Variants in COBL observed in about 807,000 individuals in gnomAD.
COBL encodes the protein cordon-bleu WH2 repeat protein, also known as protein cordon-bleu.
COBL carries 51 observed loss-of-function variants against 98.8 expected under a neutral mutation model. That is an observed-to-expected ratio of 0.52 (90% CI 0.41 to 0.65). The LOEUF (loss-of-function observed/expected upper bound fraction) is 0.65, where lower values mean the gene tolerates loss of function less well. Among genes scored for constraint, COBL ranks in the 30% least tolerant of loss-of-function variants. COBL has a pLI of 0.00. For synonymous variants in COBL, 634 were observed against 651.7 expected, an observed-to-expected ratio of 0.97 and a Z score of 0.41; for missense variants, 1,617 against 1,617.5, an observed-to-expected ratio of 1.00 and a Z score of 0.01.
chr7:51,058,351 C>G (rs1790973516), intron 7 of COBL, among the ~76,000 whole-genome samples: 2 of 152,052 alleles, frequency 1.3e-5, no homozygotes, highest in Admixed American at 1.3e-4. Context: ...AATGTGAGAC[C>G]AGCCTCAGCA....
intron 2 of COBL, among the ~76,000 whole-genome samples, chr7:51,213,170 GGA>G (rs1295660595): frequency 6.6e-6 from 1 of 152,196 alleles, no homozygotes; most frequent in Non-Finnish European, 1.5e-5. Flanking sequence ...TCAAGCCCTG[GGA>G]GAGAGTCCAG....
chr7:51,065,692 G>A (rs941149594), intron 7 of COBL, among the ~76,000 whole-genome samples: 1 of 152,250 alleles, frequency 6.6e-6, no homozygotes, highest in Non-Finnish European at 1.5e-5. Context: ...GTCGTCATCA[G>A]CACACAGGCT....
At chr7:51,301,491 T>C (rs1801962857) in intron 1 of COBL, among the ~76,000 whole-genome samples, 1 of 152,182 alleles carries the variant, frequency 6.6e-6, no homozygotes, top group African/African-American at 2.4e-5. Flanking sequence ...GCCAAGCCCT[T>C]GTCTCTCAGG....
chr7:51,086,358 GAAAAAAAAA>G (rs57609497), intron 6 of COBL, among the ~76,000 whole-genome samples: 8,809 of 74,864 alleles, frequency 0.12, 371 homozygotes, highest in Middle Eastern at 0.27. Context: ...CTGTGTCTCA[GAAAAAAAAA>G]AAAAAAAAAA....
rs780311510 is a variant in COBL, at chr7:51,025,392, A to T, written c.3505-20T>A. On this transcript the variant is annotated intron_variant, in intron 11 of 12. Transcript: ENST00000265136. ...TGCCACCTGGCAATGAGATGATTAAATGACTGCTATAGAGTGAATGTCTCC... is the reference window on the plus strand; with the variant it reads ...TGCCACCTGGCAATGAGATGATTAATTGACTGCTATAGAGTGAATGTCTCC... 1 of 1,612,702 alleles carries T rather than the reference A, an allele frequency of 6.2e-7. No individual in the cohort carries two copies. The highest frequency in any genetic ancestry group is 2.2e-5 in the East Asian group (1 of 44,876).
At chr7:51,048,167 A>AAAAT (rs752092595) in intron 7 of COBL, among the ~76,000 whole-genome samples, 18 of 151,988 alleles carry the variant, frequency 1.2e-4, no homozygotes, top group South Asian at 6.2e-4. Flanking sequence ...CTCCATCTCA[A>AAAAT]AAATAAATAA....
rs1329270111 is a variant in COBL at position 51,025,226 on chromosome 7, G to C, written c.3651C>G (p.Leu1217=). 6.7e-7 allele frequency: 1 copy of C among 1,481,896 alleles called. No homozygotes were observed. Among genetic ancestry groups the C allele is most frequent in the South Asian group, 1.1e-5 (1 of 88,462 alleles). 91.8% of individuals were successfully genotyped at this position (1,481,896 alleles called of 1,614,324 possible). Residue 1217 remains leucine, a synonymous_variant, in exon 12 of 13, where the codon CTC becomes CTG. Coordinates refer to ENST00000265136, the MANE Select transcript of COBL (RefSeq NM_015198.5). The part of the protein sequence containing the change: ...PPPPPPPSQA[L]SAPRTASRFS... ...ACCTGGAGGCCGTCCTTGGTGCAGA[G>C]AGAGCCTGGGAGGGTGGAGGGGGTG...
At chr7:51,199,432 A>C (rs977817245) in intron 2 of COBL, among the ~76,000 whole-genome samples, 3 of 152,206 alleles carry the variant, frequency 2.0e-5, no homozygotes, top group South Asian at 4.1e-4. Flanking sequence ...GGTAAACATA[A>C]CACCACCAAA....
At chr7:51,238,371 C>T (rs115300266) in intron 1 of COBL, among the ~76,000 whole-genome samples, 165 of 152,300 alleles carry the variant, frequency 1.1e-3, no homozygotes, top group African/African-American at 3.8e-3. Flanking sequence ...AAGGAGACCC[C>T]TGCCCTTCCC....
Position 51,028,176 on chromosome 7 carries a change from A to G in COBL, c.2920T>C (p.Ser974Pro), listed in dbSNP as rs1401766280. ...GAAGACTGAACCAGTGAGAAACAGG[A>G]GCTTCTGTGGATAGCAGCAGGTCTG... ...QDRPAAIHRS[S>P]CFSLVQSSQR... Residue 974 changes from serine to proline, a missense_variant, in exon 10 of 13, where the codon TCC becomes CCC. By Grantham distance (74) the Ser-to-Pro change is moderately conservative (BLOSUM62 -1). Transcript: ENST00000265136. 3.7e-6 allele frequency: 6 copies of G among 1,614,108 alleles called. No individual in the cohort carries two copies. The South Asian group carries it at 6.6e-5, about 18-fold the overall frequency.
chr7:51,055,114 T>C (rs1419716945), intron 7 of COBL, among the ~76,000 whole-genome samples: 1 of 152,078 alleles, frequency 6.6e-6, no homozygotes, highest in Non-Finnish European at 1.5e-5. Context: ...CCAGCCGGAG[T>C]TCTCAGAACA....
chr7:51,049,701 G>C (rs1026189454), intron 7 of COBL, among the ~76,000 whole-genome samples: 1 of 152,170 alleles, frequency 6.6e-6, no homozygotes. Context: ...GGACAGTTGG[G>C]TCAAAAGATG....
chr7:51,190,328 C>T (rs1206970983), intron 4 of COBL, among the ~76,000 whole-genome samples: 1 of 152,132 alleles, frequency 6.6e-6, no homozygotes, highest in Non-Finnish European at 1.5e-5. Context: ...CCAGCCTCAG[C>T]CTCTCCAGTA....
rs114805087 is a variant in COBL at position 51,307,998 on chromosome 7, G to T, written c.41+8595C>A. ...TTTAGGCAGGAGCAGGAGGAAGGAAGTTTTCAGTTCCACCCAAAACCAATT... is the reference window on the plus strand; with the variant it reads ...TTTAGGCAGGAGCAGGAGGAAGGAATTTTTCAGTTCCACCCAAAACCAATT... On this transcript the variant is annotated intron_variant, in intron 1 of 12. Coordinates refer to ENST00000265136, the MANE Select transcript of COBL (RefSeq NM_015198.5). Among the ~76,000 whole-genome samples the T allele has an allele frequency of 8.1e-3, 1,235 of 152,344 alleles. 20 individuals are homozygous for T. The highest frequency in any genetic ancestry group is 0.028 in the African/African-American group (1,178 of 41,578).
intron 7 of COBL, among the ~76,000 whole-genome samples, chr7:51,059,358 G>A (rs994012253): frequency 6.6e-6 from 1 of 152,112 alleles, no homozygotes; most frequent in African/African-American, 2.4e-5. Context: ...ATTATCTATT[G>A]TTCTGCATAA....
intron 8 of COBL, 191 bp from the exon 9 acceptor site, chr7:51,031,100 T>C (rs943233130): frequency 1.5e-5 from 9 of 595,494 alleles, no homozygotes; most frequent in East Asian, 8.4e-5. Flanking sequence ...CCCATGTGTG[T>C]GCACAGGTAT....
At chr7:51,146,434 C>T (rs555317979) in intron 5 of COBL, among the ~76,000 whole-genome samples, 18 of 152,300 alleles carry the variant, frequency 1.2e-4, no homozygotes, top group Admixed American at 1.1e-3. Context: ...ATGAAGTTCA[C>T]CTTCAAAGCG....
At chr7:51,137,536 G>C (rs538653027) in intron 5 of COBL, among the ~76,000 whole-genome samples, 2 of 151,474 alleles carry the variant, frequency 1.3e-5, no homozygotes, top group South Asian at 4.2e-4. Context: ...GTTTGAGGCT[G>C]TAGTGAGCCA....
intron 1 of COBL, among the ~76,000 whole-genome samples, chr7:51,283,603 GCCT>G (rs901750331): frequency 1.3e-5 from 2 of 152,108 alleles, no homozygotes; most frequent in Admixed American, 1.3e-4. Flanking sequence ...TCCTGCCTCA[GCCT>G]CCTGAGTAGC....
Sources: gnomAD v4.1 joint callset for allele counts (sites outside exome capture counted in the v4.1 genomes callset) on GRCh38, gnomAD v4.1.1 for gene constraint, MANE v1.5 for transcripts, NCBI Gene and HGNC (gene_info 2026-07-23, HGNC 2026-07-21) for gene names.